The following TCF4 variants were observed in gnomAD, a reference collection of about 807,000 sequenced individuals.
TCF4 encodes the protein transcription factor 4, also known as SL3-3 enhancer factor 2.
Under a neutral mutation model 82.1 loss-of-function variants are expected in TCF4, and 3 were observed. The observed-to-expected ratio is 0.04, with a 90% confidence interval of 0.02 to 0.09. TCF4 has a LOEUF of 0.09. Among genes scored for constraint, TCF4 ranks in the 10% least tolerant of loss-of-function variants. The pLI, the probability that TCF4 is intolerant of heterozygous loss-of-function variation, is 1.00. For synonymous variants in TCF4, 276 were observed against 309.6 expected (o/e 0.89, Z 1.14); for missense variants, 518 against 852.7 (o/e 0.61, Z 4.89).
chr18:55,380,173 C>G (rs1293237095), intron 6 of TCF4, among the ~76,000 whole-genome samples: 1 of 152,064 alleles, frequency 6.6e-6, no homozygotes, highest in Non-Finnish European at 1.5e-5. Context: ...TGAGCCACCA[C>G]GAGGGTCCTC....
chr18:55,560,793 A>G (rs576127792), intron 3 of TCF4, among the ~76,000 whole-genome samples: 1 of 152,262 alleles, frequency 6.6e-6, no homozygotes, highest in East Asian at 1.9e-4. Flanking sequence ...TCTATCTGTG[A>G]ACTCCTTTTT....
In TCF4 at chr18:55,350,977, A is replaced by G. The variant is rs1389369839; in HGVS notation, c.396T>C (p.Asp132=). The G allele has an allele frequency of 6.2e-7, 1 of 1,613,488 alleles. No homozygotes were observed. The highest frequency in any genetic ancestry group is 1.3e-5 in the African/African-American group (1 of 75,016). ...HQQSLLGGDM[D]MGNPGTLSPT... Reference sequence around the variant, plus strand: ...GCGAAAGGGTTCCTGGGTTGCCCATATCCATGTCACCTCCAAGGAGACTCT... The same window carrying G: ...GCGAAAGGGTTCCTGGGTTGCCCATGTCCATGTCACCTCCAAGGAGACTCT... Residue 132 remains aspartate (D), a synonymous_variant, in exon 7 of 20, where the codon GAT becomes GAC. Transcript: ENST00000354452.
chr18:55,249,295 G>T (rs1171035943), intron 15 of TCF4, among the ~76,000 whole-genome samples: 2 of 152,148 alleles, frequency 1.3e-5, no homozygotes, highest in Non-Finnish European at 2.9e-5. Flanking sequence ...TTTTCCTAAG[G>T]AATGCTCTTT....
At chr18:55,354,938 G>C (rs1471944446) in intron 6 of TCF4, among the ~76,000 whole-genome samples, 1 of 152,182 alleles carries the variant, frequency 6.6e-6, no homozygotes, top group Non-Finnish European at 1.5e-5. Context: ...TCCGGTATCA[G>C]ACACAACATC....
At chr18:55,399,876 T>TCA (rs1290573769) in intron 6 of TCF4, among the ~76,000 whole-genome samples, 58 of 118,574 alleles carry the variant, frequency 4.9e-4, no homozygotes, top group South Asian at 2.5e-3. Context: ...TCTCTCTCTC[T>TCA]CTCTCACACA....
At chr18:55,560,041 C>T (rs1267941703) in intron 3 of TCF4, among the ~76,000 whole-genome samples, 1 of 152,148 alleles carries the variant, frequency 6.6e-6, no homozygotes, top group Non-Finnish European at 1.5e-5. Flanking sequence ...ATATTAGAAG[C>T]TGTAAAATAA....
chr18:55,243,030 A>G (rs1336288468), intron 15 of TCF4, among the ~76,000 whole-genome samples: 9 of 152,314 alleles, frequency 5.9e-5, no homozygotes, highest in Non-Finnish European at 2.9e-5. Flanking sequence ...CCGTTTAGGA[A>G]ACCAGGGACT....
At chr18:55,472,243 G>C (rs116685110) in intron 3 of TCF4, among the ~76,000 whole-genome samples, 2,509 of 152,274 alleles carry the variant, frequency 0.016, 68 homozygotes, top group African/African-American at 0.058. Flanking sequence ...TAACTGTTAT[G>C]TTACAAATAT....
chr18:55,371,981 T>G (rs145890173), intron 6 of TCF4, among the ~76,000 whole-genome samples: 10 of 152,326 alleles, frequency 6.6e-5, no homozygotes, highest in African/African-American at 1.4e-4. Context: ...CCTCTCAGTT[T>G]TCTAATTTAT....
chr18:55,370,474 T>TAGATAGACAGAC (rs374194674), intron 6 of TCF4, among the ~76,000 whole-genome samples: 6 of 147,512 alleles, frequency 4.1e-5, no homozygotes, highest in African/African-American at 1.5e-4. Flanking sequence ...GATAGATAGA[T>TAGATAGACAGAC]AGACAGACAT....
rs868196701 is a variant in TCF4 at position 55,586,291 on chromosome 18, A to G, written c.72+754T>C. On this transcript the variant is annotated intron_variant, in intron 2 of 19. Transcript: ENST00000354452. ...TTTGTGTGTTTTGTGGATTCTTTTT[A>G]TTTTGCTTTACAAATGCATCTTACA... 7.2e-5 allele frequency: 62 copies of G among 860,802 alleles called. 6 individuals carry two copies. In the Middle Eastern group the frequency reaches 2.3e-3, roughly 32 times the overall value. The allele number at this position is 860,802 out of a possible 1,614,324, so 53.3% of individuals were successfully genotyped here. A position where few individuals can be genotyped will look rare whatever the true frequency, so the allele number is the denominator to read the frequency against.
Position 55,633,983 on chromosome 18 carries a change from T to C in TCF4, c.195+1720A>G, listed in dbSNP as rs1230512926. ...TCTAACAAAAAACATAATACTATAA[T>C]TTAGGCTGGGCGCAGTGGCTCACAC... On this transcript the variant is annotated intron_variant, in intron 1 of 20. Coordinates refer to the TCF4 transcript ENST00000398339. This position sits in a 1 kb window ranked among gnomAD's most constrained non-coding sequence, Gnocchi z 4.0. Among the ~76,000 whole-genome samples, 1 of 152,086 alleles carries C rather than the reference T, an allele frequency of 6.6e-6. No homozygotes were observed. Among genetic ancestry groups the C allele is most frequent in the African/African-American group, 2.4e-5 (1 of 41,420 alleles).
intron 6 of TCF4, among the ~76,000 whole-genome samples, chr18:55,352,588 A>G (rs1000369016): frequency 8.5e-5 from 13 of 152,180 alleles, no homozygotes; most frequent in Admixed American, 6.6e-4. Context: ...CCACATAAAT[A>G]CCTGATAAAA....
intron 2 of TCF4, among the ~76,000 whole-genome samples, chr18:55,597,820 C>T (rs546355875): frequency 6.6e-6 from 1 of 152,246 alleles, no homozygotes; most frequent in Admixed American, 6.5e-5. Context: ...CCAAAAGCTG[C>T]CCTCCAACCC....
At chr18:55,629,582 A>G (rs1467209589) in intron 2 of TCF4, among the ~76,000 whole-genome samples, 2 of 152,216 alleles carry the variant, frequency 1.3e-5, no homozygotes, top group African/African-American at 4.8e-5. Flanking sequence ...TGAAACTCAG[A>G]ACCCGGGTGA....
At position 55,559,762 on chromosome 18, in the gene TCF4, T is replaced by A. The variant is rs2097339079; in HGVS notation, c.145+25518A>T. On this transcript the variant is annotated intron_variant, in intron 3 of 19. Coordinates refer to ENST00000354452, the MANE Select transcript of TCF4 (RefSeq NM_001083962.2). ...TTTGTAAAATTAATAATTAAATAAATCTTTTTTTCCATTCCGTAAATGTAA... is the reference window on the plus strand; with the variant it reads ...TTTGTAAAATTAATAATTAAATAAAACTTTTTTTCCATTCCGTAAATGTAA... 2.0e-5 allele frequency among the ~76,000 whole-genome samples: 3 copies of A among 152,270 alleles called. No homozygotes were observed. The South Asian group carries it at 6.2e-4, about 32-fold the overall frequency.
intron 6 of TCF4, among the ~76,000 whole-genome samples, chr18:55,363,861 A>G (rs2086156130): frequency 6.6e-6 from 1 of 152,144 alleles, no homozygotes; most frequent in Non-Finnish European, 1.5e-5. Flanking sequence ...AACCATACAA[A>G]GTTGAACAAA....
At chr18:55,420,116 C>G (rs183818624) in intron 5 of TCF4, among the ~76,000 whole-genome samples, 1 of 152,016 alleles carries the variant, frequency 6.6e-6, no homozygotes, top group East Asian at 1.9e-4. Flanking sequence ...GGAATTAACA[C>G]GTGCAAAACA....
At chr18:55,340,398 G>A (rs2079627937) in intron 8 of TCF4, among the ~76,000 whole-genome samples, 3 of 151,816 alleles carry the variant, frequency 2.0e-5, no homozygotes, top group Admixed American at 2.0e-4. Context: ...GGGAAACACA[G>A]GGAGACCCTG....
Sources: gnomAD v4.1 joint callset for allele counts (sites outside exome capture counted in the v4.1 genomes callset) on GRCh38, gnomAD v4.1.1 for gene constraint, Gnocchi (gnomAD v3.1) non-coding constraint, MANE v1.5 for transcripts, NCBI Gene and HGNC (gene_info 2026-07-23, HGNC 2026-07-21) for gene names.